ORC3: variants seen among roughly 807,000 people sequenced by gnomAD.
The protein encoded by ORC3 is homolog of latheo, Drosophila.
In ORC3, 78 loss-of-function variants were observed where a neutral mutation model predicts 100.7. The observed-to-expected ratio is 0.77, with a 90% confidence interval of 0.65 to 0.94. The LOEUF (loss-of-function observed/expected upper bound fraction) is 0.94, where lower values mean the gene tolerates loss of function less well. Among genes scored for constraint, ORC3 ranks in the 40% least tolerant of loss-of-function variants. ORC3 has a pLI of 0.00. For synonymous variants in ORC3, 295 were observed against 289.3 expected (o/e 1.02, Z -0.20); for missense variants, 789 against 823.9 (o/e 0.96, Z 0.52).
Position 87,603,367 on chromosome 6 carries a change from T to C in ORC3, c.178-17T>C. ...TATTATTTCTAATAATAATAAGTTT[T>C]TGTGTGTTCTTTGTAGCGACTACAA... On this transcript the variant is annotated splice_polypyrimidine_tract_variant and intron_variant, in intron 3 of 19. Transcript: ENST00000392844. 1 of 1,355,460 alleles carries C rather than the reference T, an allele frequency of 7.4e-7. No individual in the cohort carries two copies. The highest frequency in any genetic ancestry group is 9.9e-7 in the Non-Finnish European group (1 of 1,006,124). 84.0% of individuals were successfully genotyped at this position (1,355,460 alleles called of 1,614,324 possible). A position where few individuals can be genotyped will look rare whatever the true frequency, so the allele number is the denominator to read the frequency against.
At chr6:87,673,843 A>G in the ORC3 span, among the ~76,000 whole-genome samples, 3 of 151,804 alleles carry the variant, frequency 2.0e-5, no homozygotes, top group Non-Finnish European at 2.9e-5. Flanking sequence ...CCATCTCAAA[A>G]AAAAAAAGTA....
At chr6:87,676,447 CAAA>C in the ORC3 span, among the ~76,000 whole-genome samples, 3 of 41,908 alleles carry the variant, frequency 7.2e-5, no homozygotes, top group East Asian at 1.6e-3. Context: ...GCCTGGGCAA[CAAA>C]AAAAAAAAAA....
the ORC3 span, among the ~76,000 whole-genome samples, chr6:87,674,622 A>ATT: frequency 4.8e-5 from 7 of 146,378 alleles, no homozygotes; most frequent in Non-Finnish European, 8.9e-5. Flanking sequence ...AGAAGAAGGA[A>ATT]TTTATATATA....
intron 5 of ORC3, among the ~76,000 whole-genome samples, 165 bp downstream of exon 5, chr6:87,606,186 T>TA (rs1436365111): frequency 6.6e-6 from 1 of 152,202 alleles, no homozygotes; most frequent in Admixed American, 6.5e-5. Context: ...TTGTGACTAT[T>TA]ACAGAACTCT....
chr6:87,673,163 T>G, the ORC3 span, among the ~76,000 whole-genome samples: 1 of 138,226 alleles, frequency 7.2e-6, no homozygotes, highest in Non-Finnish European at 1.6e-5. Context: ...AATTTTTTTT[T>G]TTTTTTTTTT....
chr6:87,622,021 T>A lies in ORC3; in HGVS notation c.1185+8T>A. 6.3e-7 allele frequency: 1 copy of A among 1,575,582 alleles called. No individual in the cohort carries two copies. The highest frequency in any genetic ancestry group is 8.7e-7 in the Non-Finnish European group (1 of 1,147,938). On this transcript the variant is annotated splice_region_variant and intron_variant, in intron 11 of 19. Coordinates refer to ENST00000392844, the MANE Select transcript of ORC3 (RefSeq NM_012381.4). Reference sequence around the variant, plus strand: ...AATGAGAGATATTTGAAGGTAGGAATGTGAATGTGTTTCAGTTTCATTCTC... The same window carrying A: ...AATGAGAGATATTTGAAGGTAGGAAAGTGAATGTGTTTCAGTTTCATTCTC...
chr6:87,659,091 T>G (rs1583167459), intron 16 of ORC3, among the ~76,000 whole-genome samples: 1 of 133,748 alleles, frequency 7.5e-6, no homozygotes, highest in Admixed American at 8.5e-5. Flanking sequence ...TGAGACGGAG[T>G]CTCACTCTGT....
intron 11 of ORC3, among the ~76,000 whole-genome samples, chr6:87,625,680 G>A (rs147069855): frequency 2.0e-5 from 3 of 152,264 alleles, no homozygotes; most frequent in African/African-American, 7.2e-5. Context: ...TTGCTGTGCA[G>A]AAGCTCTTTA....
chr6:87,673,183 CAG>C, the ORC3 span, among the ~76,000 whole-genome samples: 5 of 103,304 alleles, frequency 4.8e-5, no homozygotes, highest in African/African-American at 1.2e-4. Context: ...TTTTTTGAGA[CAG>C]AGTCTCACTC....
intron 6 of ORC3, among the ~76,000 whole-genome samples, chr6:87,608,703 G>A (rs1778522926): frequency 1.3e-5 from 2 of 152,066 alleles, no homozygotes; most frequent in African/African-American, 4.8e-5. Context: ...CACAGTGGCA[G>A]AGTAGCAAGC....
chr6:87,627,771 C>A (rs1163267273), intron 11 of ORC3, among the ~76,000 whole-genome samples: 1 of 152,094 alleles, frequency 6.6e-6, no homozygotes, highest in African/African-American at 2.4e-5. Context: ...AAGAGCTAGA[C>A]CTCACAGAAT....
the ORC3 span, chr6:87,675,797 A>G: frequency 6.6e-7 from 1 of 1,511,190 alleles, no homozygotes. Flanking sequence ...AAATAATTAT[A>G]ATGTCTTCTC....
chr6:87,592,495 G>T (rs1777105282), intron 1 of ORC3, among the ~76,000 whole-genome samples: 1 of 152,150 alleles, frequency 6.6e-6, no homozygotes, highest in African/African-American at 2.4e-5. Context: ...CTGGCATGTT[G>T]GTGGGCGCCT....
chr6:87,675,664 A>T, the ORC3 span: 1 of 1,601,066 alleles, frequency 6.2e-7, no homozygotes, highest in East Asian at 2.3e-5. Context: ...CCAAACGAAT[A>T]CTAGATCTTG....
chr6:87,650,644 A>G (rs1212093632), intron 13 of ORC3, among the ~76,000 whole-genome samples: 1 of 152,194 alleles, frequency 6.6e-6, no homozygotes, highest in African/African-American at 2.4e-5. Flanking sequence ...ATTTTACATT[A>G]AACAAGAGAA....
chr6:87,653,494 T>C (rs28381512), intron 14 of ORC3, among the ~76,000 whole-genome samples: 11,361 of 152,212 alleles, frequency 0.075, 440 homozygotes, highest in East Asian at 0.095. Flanking sequence ...TTTCTCCAGA[T>C]CGACAGTTTG....
intron 17 of ORC3, 22 bp from the exon 18 acceptor site, chr6:87,664,721 T>G: frequency 6.3e-7 from 1 of 1,575,788 alleles, no homozygotes; most frequent in Non-Finnish European, 8.7e-7. Flanking sequence ...GTTAGTCATC[T>G]TAGTTTACTG....
intron 19 of ORC3, among the ~76,000 whole-genome samples, chr6:87,666,797 T>G (rs1472582387): frequency 6.6e-6 from 1 of 152,200 alleles, no homozygotes; most frequent in Non-Finnish European, 1.5e-5. Flanking sequence ...ATTTCCATAC[T>G]ATGTAGAACA....
chr6:87,615,989 G>A (rs1052501162), intron 8 of ORC3, among the ~76,000 whole-genome samples: 2 of 151,418 alleles, frequency 1.3e-5, no homozygotes, highest in African/African-American at 2.4e-5. Flanking sequence ...GCCAAAGCCT[G>A]CAGCTTCTTC....
Sources: allele counts gnomAD v4.1 joint callset (sites outside exome capture counted in the v4.1 genomes callset), GRCh38; gene constraint gnomAD v4.1.1; transcripts MANE v1.5; gene names NCBI Gene and HGNC (gene_info 2026-07-23, HGNC 2026-07-21).